Variants in GLIS1 observed in about 807,000 individuals in gnomAD.
The protein encoded by GLIS1 is GLIS family zinc finger 1.
GLIS1 carries 24 observed loss-of-function variants against 63.8 expected under a neutral mutation model. That is an observed-to-expected ratio of 0.38 (90% CI 0.27 to 0.53). The LOEUF (loss-of-function observed/expected upper bound fraction) is 0.53. Ranked by LOEUF, GLIS1 falls within the 20% of genes least tolerant of loss-of-function variation. The pLI is 0.85. For synonymous variants in GLIS1, 450 were observed against 482.5 expected (o/e 0.93, Z 0.88); for missense variants, 1,036 against 1,074.1 (o/e 0.96, Z 0.50).
intron 4 of GLIS1, among the ~76,000 whole-genome samples, chr1:53,552,607 C>T (rs1300226205): frequency 6.6e-6 from 1 of 152,192 alleles, no homozygotes; most frequent in Admixed American, 6.5e-5. Flanking sequence ...GAAAAGCAAA[C>T]ATTCCCGTGG....
intron 4 of GLIS1, among the ~76,000 whole-genome samples, chr1:53,531,517 G>A (rs1405428704): frequency 6.6e-6 from 1 of 152,200 alleles, no homozygotes. Context: ...GCTCAAGGCT[G>A]TTCAGCACAT....
intron 2 of GLIS1, among the ~76,000 whole-genome samples, chr1:53,649,724 A>G (rs1460298983): frequency 6.6e-6 from 1 of 152,250 alleles, no homozygotes; most frequent in Non-Finnish European, 1.5e-5. Context: ...ATTGATAAAT[A>G]CAATACAGTT....
At chr1:53,535,995 C>G (rs970850389) in intron 4 of GLIS1, among the ~76,000 whole-genome samples, 2 of 152,098 alleles carry the variant, frequency 1.3e-5, no homozygotes, top group East Asian at 1.9e-4. Context: ...CTGGCCTCCA[C>G]GCTTCCCGAC....
chr1:53,520,513 G>A (rs906040085), intron 7 of GLIS1, 121 bp downstream of exon 7: 3 of 1,152,294 alleles, frequency 2.6e-6, no homozygotes, highest in Admixed American at 6.6e-5. Flanking sequence ...CCAGATGAGT[G>A]AGTGCCTGCA....
At chr1:53,529,747 G>A in intron 5 of GLIS1, 44 bp downstream of exon 5, 1 of 1,582,296 alleles carries the variant, frequency 6.3e-7, no homozygotes. Flanking sequence ...GCAGGTGTGT[G>A]GCCATCCTCC....
intron 4 of GLIS1, among the ~76,000 whole-genome samples, chr1:53,590,977 C>A (rs1044510852): frequency 1.3e-5 from 2 of 152,082 alleles, no homozygotes; most frequent in Non-Finnish European, 2.9e-5. Context: ...TGGGAGTGTT[C>A]CAGTGGGATG....
chr1:53,633,155 T>C (rs1395160106), intron 2 of GLIS1, among the ~76,000 whole-genome samples: 1 of 134,102 alleles, frequency 7.5e-6, no homozygotes, highest in Non-Finnish European at 1.6e-5. Flanking sequence ...GGGGCGTGTG[T>C]ATGAGTGTGA....
At chr1:53,722,229 G>A (rs1646762793) in intron 2 of GLIS1, among the ~76,000 whole-genome samples, 1 of 152,144 alleles carries the variant, frequency 6.6e-6, no homozygotes, top group Admixed American at 6.5e-5. Flanking sequence ...TGTGTTAAAT[G>A]TTACTACCCT....
At position 53,539,641 on chromosome 1, in the gene GLIS1, C is replaced by T. The variant is rs1488106509; in HGVS notation, c.1321-9689G>A. On this transcript the variant is annotated intron_variant, in intron 4 of 10. Coordinates refer to ENST00000628545, the MANE Select transcript of GLIS1 (RefSeq NM_001367484.1). This position sits in a 1 kb window ranked among gnomAD's most constrained non-coding sequence, Gnocchi z 5.0. Reference sequence around the variant, plus strand: ...ACACAGGCCAGGACACACATGTTCACACATATACCCAAAGACGTCCAAGCC... The same window carrying T: ...ACACAGGCCAGGACACACATGTTCATACATATACCCAAAGACGTCCAAGCC... Among the ~76,000 whole-genome samples the T allele has an allele frequency of 6.6e-6, 1 of 152,060 alleles. No homozygotes were observed. The highest frequency in any genetic ancestry group is 1.9e-4 in the East Asian group (1 of 5,192).
intron 4 of GLIS1, among the ~76,000 whole-genome samples, chr1:53,572,055 T>C (rs1281095902): frequency 6.6e-6 from 1 of 152,218 alleles, no homozygotes; most frequent in Admixed American, 6.5e-5. Flanking sequence ...TAGGCAGTAG[T>C]TCCAGGAATT....
At chr1:53,658,894 G>A (rs1201481418) in intron 2 of GLIS1, among the ~76,000 whole-genome samples, 3 of 152,200 alleles carry the variant, frequency 2.0e-5, no homozygotes, top group Non-Finnish European at 2.9e-5. Context: ...CAGGAAGAAT[G>A]AGTGGGGAGG....
At chr1:53,727,464 T>G (rs1227584754) in intron 2 of GLIS1, among the ~76,000 whole-genome samples, 1 of 152,230 alleles carries the variant, frequency 6.6e-6, no homozygotes, top group South Asian at 2.1e-4. Flanking sequence ...TAGAGAAATC[T>G]GGGTGAGACG....
intron 2 of GLIS1, among the ~76,000 whole-genome samples, chr1:53,633,544 G>A (rs1158183764): frequency 2.6e-5 from 4 of 151,874 alleles, no homozygotes; most frequent in Admixed American, 6.6e-5. Context: ...TGTGTGTGAC[G>A]GGGGACCACA....
intron 2 of GLIS1, among the ~76,000 whole-genome samples, chr1:53,643,258 G>A (rs1325614410): frequency 6.6e-6 from 1 of 152,216 alleles, no homozygotes; most frequent in Admixed American, 6.5e-5. Context: ...CAGCAGCTCT[G>A]TAAAGTTTTA....
At chr1:53,613,878 A>C (rs1244509602) in intron 2 of GLIS1, among the ~76,000 whole-genome samples, 1 of 152,242 alleles carries the variant, frequency 6.6e-6, no homozygotes, top group African/African-American at 2.4e-5. Flanking sequence ...AGCAACAACT[A>C]CCAATGGCCA....
At chr1:53,586,564 T>C (rs1645137358) in intron 4 of GLIS1, among the ~76,000 whole-genome samples, 1 of 152,264 alleles carries the variant, frequency 6.6e-6, no homozygotes, top group African/African-American at 2.4e-5. Context: ...TGTGTGCCAT[T>C]GTCTAGTTTC....
At chr1:53,596,714 A>C (rs77103470) in intron 3 of GLIS1, among the ~76,000 whole-genome samples, 4,705 of 152,122 alleles carry the variant, frequency 0.031, 235 homozygotes, top group African/African-American at 0.11. Context: ...GGCTCCCTGC[A>C]ACTGGAGCAG....
At chr1:53,602,596 G>A (rs1645329751) in intron 2 of GLIS1, among the ~76,000 whole-genome samples, 1 of 152,182 alleles carries the variant, frequency 6.6e-6, no homozygotes, top group African/African-American at 2.4e-5. Flanking sequence ...TGGACAGCCA[G>A]CACCTACCAA....
chr1:53,514,696 G>A lies in GLIS1; in HGVS notation c.1812C>T (p.His604=), dbSNP rs1044743605. ...PPAHDVPSRH[H]PLDATTSSHH... ...GGGAACTGGTGGTGGCATCCAGCGGGTGGTGCCTGGAAGGTACGTCGTGCG... is the reference window on the plus strand; with the variant it reads ...GGGAACTGGTGGTGGCATCCAGCGGATGGTGCCTGGAAGGTACGTCGTGCG... Residue 604 remains histidine (H), a synonymous_variant, in exon 8 of 11, where the codon CAC becomes CAT. Transcript: ENST00000628545. The A allele has an allele frequency of 1.6e-5, 26 of 1,613,774 alleles. No individual in the cohort carries two copies. The Admixed American group carries it at 3.3e-4, about 21-fold the overall frequency.
Sources: gnomAD v4.1 joint callset for allele counts (sites outside exome capture counted in the v4.1 genomes callset) on GRCh38, gnomAD v4.1.1 for gene constraint, Gnocchi (gnomAD v3.1) non-coding constraint, MANE v1.5 for transcripts, NCBI Gene and HGNC (gene_info 2026-07-23, HGNC 2026-07-21) for gene names.